KMT2C: variants seen among roughly 807,000 people sequenced by gnomAD.
KMT2C encodes lysine methyltransferase 2C.
In KMT2C, 88 loss-of-function variants were observed where a neutral mutation model predicts 507.9. The observed-to-expected ratio is 0.17, with a 90% confidence interval of 0.15 to 0.21. The LOEUF (loss-of-function observed/expected upper bound fraction) is 0.21. Among genes scored for constraint, KMT2C ranks in the 10% least tolerant of loss-of-function variants. The probability of loss-of-function intolerance (pLI) is 1.00; values close to 1 mark genes in which losing one functional copy is unlikely to be tolerated. For synonymous variants in KMT2C, 2,049 were observed against 2,080.8 expected (o/e 0.98, Z 0.42); for missense variants, 4,954 against 5,957.8 (o/e 0.83, Z 5.55).
intron 6 of KMT2C, among the ~76,000 whole-genome samples, chr7:152,285,940 G>A (rs878868459): frequency 6.6e-6 from 1 of 152,118 alleles, no homozygotes; most frequent in Non-Finnish European, 1.5e-5. Context: ...AGCCGAGATC[G>A]CGCCATTGCA....
At chr7:152,329,897 G>T (rs891305230) in intron 3 of KMT2C, among the ~76,000 whole-genome samples, 5 of 151,646 alleles carry the variant, frequency 3.3e-5, no homozygotes, top group Admixed American at 3.3e-4. Context: ...TGTAATCCCA[G>T]CACTTTGGGA....
rs772670036 is a variant in KMT2C at position 152,162,535 on chromosome 7, T to C, written c.11042A>G (p.Glu3681Gly). ...GAAATCACTATTGGGCAGTTTGTTC[T>C]CTAATTCTGTACATAGCTGGCCTGC... Reference protein sequence around the residue: ...MAAGQLCTELENKLPNSDFSQ... With the variant: ...MAAGQLCTELGNKLPNSDFSQ... Residue 3681 changes from glutamate (E) to glycine (G), a missense_variant, in exon 43 of 59, where the codon GAG (glutamate) becomes GGG (glycine). Glu to Gly is a moderately conservative substitution (Grantham distance 98). Coordinates refer to ENST00000262189, the MANE Select transcript of KMT2C (RefSeq NM_170606.3). 2 of 1,614,248 alleles carry C rather than the reference T, an allele frequency of 1.2e-6. No homozygotes were observed. Among genetic ancestry groups the C allele is most frequent in the Non-Finnish European group, 1.7e-6 (2 of 1,180,044 alleles).
At chr7:152,178,045 A>C in intron 37 of KMT2C, 35 bp from the exon 38 acceptor site, 3 of 1,343,210 alleles carry the variant, frequency 2.2e-6, no homozygotes, top group Non-Finnish European at 2.9e-6. Context: ...AAAAAAAAGC[A>C]AATAGGTATT....
chr7:152,287,167 A>AC (rs2096314755), intron 6 of KMT2C, among the ~76,000 whole-genome samples: 1 of 152,096 alleles, frequency 6.6e-6, no homozygotes, highest in Non-Finnish European at 1.5e-5. Context: ...TGAGTTCAAC[A>AC]CCCACCCAGT....
At position 152,235,207 on chromosome 7, in the gene KMT2C, G is replaced by GTATGTATATATATATATATATATATA. The variant is rs950086494; in HGVS notation, c.2769+609_2769+610insTATATATATATATATATATATACATA. 2.9e-3 allele frequency among the ~76,000 whole-genome samples: 414 copies of GTATGTATATATATATATATATATATA among 142,418 alleles called. 13 individuals are homozygous for GTATGTATATATATATATATATATATA. Among genetic ancestry groups the GTATGTATATATATATATATATATATA allele is most frequent in the African/African-American group, 0.011 (397 of 36,628 alleles). The allele number at this position is 142,418 out of a possible 152,430, so 93.4% of individuals were successfully genotyped here. ...TGATTGTGGTATCGTTTTCAAGGGT[G>GTATGTATATATATATATATATATATA]TATATATATATATATATCAAAGCTT... is the stretch of plus-strand genomic sequence containing the variant. On this transcript the variant is annotated intron_variant, in intron 16 of 58. Coordinates refer to ENST00000262189, the MANE Select transcript of KMT2C (RefSeq NM_170606.3).
At chr7:152,155,879 A>G (rs754100593) in intron 46 of KMT2C, 31 bp downstream of exon 46, 4 of 1,564,790 alleles carry the variant, frequency 2.6e-6, no homozygotes, top group Non-Finnish European at 3.4e-6. Flanking sequence ...AGAAATAACT[A>G]AGAATTATTT....
At chr7:152,214,999 T>C (rs1200479858) in intron 23 of KMT2C, among the ~76,000 whole-genome samples, 1 of 152,068 alleles carries the variant, frequency 6.6e-6, no homozygotes, top group Admixed American at 6.5e-5. Flanking sequence ...ATACAGACAT[T>C]TGTTTGACCA....
intron 6 of KMT2C, among the ~76,000 whole-genome samples, chr7:152,275,373 T>C (rs2096063546): frequency 6.6e-6 from 1 of 152,092 alleles, no homozygotes; most frequent in Non-Finnish European, 1.5e-5. Context: ...TGAAACTCCA[T>C]CTCTACTAAA....
rs375207453 is a variant in KMT2C, at chr7:152,352,258, T to C, written c.250+6329A>G. On this transcript the variant is annotated intron_variant, in intron 2 of 58. Coordinates refer to ENST00000262189, the MANE Select transcript of KMT2C (RefSeq NM_170606.3). The stretch of plus-strand genomic sequence containing the variant: ...GAGGATATCCCCGCCTAATAAATTT[T>C]TGGTCAGACCAGTTGTCTGCTCTCA... Among the ~76,000 whole-genome samples, 5 of 152,278 alleles carry C rather than the reference T, an allele frequency of 3.3e-5. No homozygotes were observed. The South Asian group carries it at 8.3e-4, about 25-fold the overall frequency.
intron 6 of KMT2C, among the ~76,000 whole-genome samples, chr7:152,282,296 C>CA (rs1299162491): frequency 0.038 from 3,854 of 102,568 alleles, 62 homozygotes; most frequent in South Asian, 0.063. Flanking sequence ...GACCTTGTCT[C>CA]AAAAAAAAAA....
chr7:152,397,832 T>C (rs1278683898), intron 1 of KMT2C, among the ~76,000 whole-genome samples: 4 of 152,186 alleles, frequency 2.6e-5, no homozygotes, highest in Non-Finnish European at 4.4e-5. Flanking sequence ...ACGTAAGACA[T>C]GCCTTCTGCT....
intron 1 of KMT2C, among the ~76,000 whole-genome samples, chr7:152,389,595 C>A (rs2097472871): frequency 6.6e-6 from 1 of 152,048 alleles, no homozygotes; most frequent in South Asian, 2.1e-4. Context: ...GCATGCACCA[C>A]CATACCTGGC....
At chr7:152,164,253 G>A (rs1175130801) in intron 42 of KMT2C, among the ~76,000 whole-genome samples, 2 of 151,488 alleles carry the variant, frequency 1.3e-5, no homozygotes, top group Non-Finnish European at 2.9e-5. Context: ...CCATTTAAAT[G>A]TTAAGATTTC....
intron 2 of KMT2C, among the ~76,000 whole-genome samples, chr7:152,347,448 C>A (rs941315676): frequency 6.6e-5 from 10 of 152,172 alleles, no homozygotes; most frequent in African/African-American, 1.9e-4. Context: ...TACCAAGATA[C>A]CCAATTTACT....
At chr7:152,250,027 A>G in intron 12 of KMT2C, 74 bp from the exon 13 acceptor site, 1 of 843,650 alleles carries the variant, frequency 1.2e-6, no homozygotes, top group South Asian at 1.4e-5. Context: ...CAGTAATTTG[A>G]GTAAAGAGTT....
At position 152,412,409 on chromosome 7, in the gene KMT2C, A is replaced by T. The variant is rs76723817; in HGVS notation, c.161+23217T>A. On this transcript the variant is annotated intron_variant, in intron 1 of 58. Coordinates refer to ENST00000262189, the MANE Select transcript of KMT2C (RefSeq NM_170606.3). ...GAGCAAGACTCCCTCTCAAAAAAAA[A>T]TTTTTTTAATGTTGCAACCAATTTT... is the stretch of plus-strand genomic sequence containing the variant. 1.5e-3 allele frequency among the ~76,000 whole-genome samples: 227 copies of T among 148,150 alleles called. 2 individuals are homozygous for T. The Middle Eastern group carries it at 0.017, about 11-fold the overall frequency.
chr7:152,212,156 TATACA>T (rs1374030972), intron 23 of KMT2C, among the ~76,000 whole-genome samples: 19 of 152,336 alleles, frequency 1.2e-4, no homozygotes, highest in Admixed American at 9.8e-4. Flanking sequence ...TTCTCCCATA[TATACA>T]TACTTGTATC....
intron 8 of KMT2C, 37 bp downstream of exon 8, chr7:152,265,001 A>G (rs2095839843): frequency 6.2e-7 from 1 of 1,612,300 alleles, no homozygotes; most frequent in South Asian, 1.1e-5. Context: ...TCCCTCTTAA[A>G]CCCAATACAC....
At chr7:152,347,896 GA>G in intron 2 of KMT2C, among the ~76,000 whole-genome samples, 1 of 151,882 alleles carries the variant, frequency 6.6e-6, no homozygotes, top group African/African-American at 2.4e-5. Context: ...TATATTTACT[GA>G]AAAAAATCCA....
Sources: gnomAD v4.1 joint callset for allele counts (sites outside exome capture counted in the v4.1 genomes callset) on GRCh38, gnomAD v4.1.1 for gene constraint, MANE v1.5 for transcripts, NCBI Gene and HGNC (gene_info 2026-07-23, HGNC 2026-07-21) for gene names.